KMO: variants seen among roughly 807,000 people sequenced by gnomAD.
The protein encoded by KMO is kynurenine 3-hydroxylase.
Under a neutral mutation model 57.8 loss-of-function variants are expected in KMO, and 24 were observed. The ratio of observed to expected loss-of-function variants is 0.42; its 90% CI spans 0.30 to 0.58. KMO has a LOEUF of 0.58. Among genes scored for constraint, KMO ranks in the 20% least tolerant of loss-of-function variants. The pLI, the probability that KMO is intolerant of heterozygous loss-of-function variation, is 0.22. For missense variants in KMO, 483 were observed against 588.2 expected (o/e 0.82, Z 1.85); for synonymous variants, 210 against 193.6 (o/e 1.08, Z -0.70).
intron 1 of KMO, among the ~76,000 whole-genome samples, chr1:241,542,748 T>C (rs1661003487): frequency 6.6e-6 from 1 of 152,226 alleles, no homozygotes; most frequent in Non-Finnish European, 1.5e-5. Flanking sequence ...AGCTGTGCCT[T>C]AACCAAGAGT....
chr1:241,563,207 C>T (rs1003581140), intron 7 of KMO, among the ~76,000 whole-genome samples: 1 of 151,954 alleles, frequency 6.6e-6, no homozygotes, highest in Admixed American at 6.6e-5. Flanking sequence ...TGACTGGAGG[C>T]AAATAAGTGG....
intron 11 of KMO, 152 bp downstream of exon 11, chr1:241,586,888 C>T (rs1157092304): frequency 3.4e-6 from 2 of 595,950 alleles, no homozygotes; most frequent in African/African-American, 1.9e-5. Context: ...TCTATGCCAC[C>T]GTTTTCCCAT....
rs1164964502 is a variant in KMO, at chr1:241,593,656, T to C, written c.*1503T>C. On this transcript the variant is annotated 3_prime_UTR_variant, in exon 15 of 15. Transcript: ENST00000366559. ...TTAGCGGGTATATGTAATATATATGTGGGAAATACAGGGGAATGAGCAAAT... is the reference window on the plus strand; with the variant it reads ...TTAGCGGGTATATGTAATATATATGCGGGAAATACAGGGGAATGAGCAAAT... 4 of 182,766 alleles carry C rather than the reference T, an allele frequency of 2.2e-5. No individual in the cohort carries two copies. The allele number at this position is 182,766 out of a possible 1,614,324, so 11.3% of individuals were successfully genotyped here.
intron 14 of KMO, among the ~76,000 whole-genome samples, 177 bp from the exon 15 acceptor site, chr1:241,591,776 A>G (rs1196643131): frequency 6.6e-6 from 1 of 152,202 alleles, no homozygotes; most frequent in Non-Finnish European, 1.5e-5. Flanking sequence ...GAGGCTCCCA[A>G]TCCTTGACTT....
chr1:241,549,288 AG>A (rs1177694060), intron 2 of KMO, among the ~76,000 whole-genome samples: 2 of 150,972 alleles, frequency 1.3e-5, no homozygotes, highest in African/African-American at 4.9e-5. Flanking sequence ...AAAGAAAGAA[AG>A]GAGAAAGAGC....
intron 6 of KMO, among the ~76,000 whole-genome samples, chr1:241,561,578 G>C (rs1204246110): frequency 6.6e-6 from 1 of 152,134 alleles, no homozygotes; most frequent in Non-Finnish European, 1.5e-5. Flanking sequence ...CCTGTTTTCT[G>C]CTCCCTTTGG....
intron 7 of KMO, among the ~76,000 whole-genome samples, chr1:241,562,896 AAG>A (rs551557272): frequency 0.39 from 35,983 of 92,568 alleles, 5,236 homozygotes; most frequent in South Asian, 0.45. Context: ...GGAAGGAAGG[AAG>A]GAAGGAAGGA....
At chr1:241,584,397 G>T (rs1231006650) in intron 10 of KMO, among the ~76,000 whole-genome samples, 1 of 152,222 alleles carries the variant, frequency 6.6e-6, no homozygotes, top group Admixed American at 6.5e-5. Context: ...TCACACTGTT[G>T]GTGGGAGTGT....
At chr1:241,565,271 G>C (rs1662031578) in intron 8 of KMO, among the ~76,000 whole-genome samples, 1 of 152,096 alleles carries the variant, frequency 6.6e-6, no homozygotes, top group Non-Finnish European at 1.5e-5. Context: ...TACATGAATG[G>C]ATAACAAGAG....
At chr1:241,549,563 A>T in intron 2 of KMO, 114 bp from the exon 3 acceptor site, 1 of 516,904 alleles carries the variant, frequency 1.9e-6, no homozygotes, top group South Asian at 3.9e-5. Flanking sequence ...AGAAGAGTTA[A>T]GAAGTTCTTT....
intron 1 of KMO, among the ~76,000 whole-genome samples, chr1:241,545,496 GTC>G (rs757085987): frequency 2.6e-5 from 4 of 152,130 alleles, no homozygotes; most frequent in Non-Finnish European, 5.9e-5. Flanking sequence ...GTAGATGGAA[GTC>G]TTCTCTCTGT....
intron 1 of KMO, among the ~76,000 whole-genome samples, chr1:241,541,824 G>A (rs1660968827): frequency 6.6e-6 from 1 of 152,094 alleles, no homozygotes; most frequent in South Asian, 2.1e-4. Context: ...TCAAAATCTT[G>A]AGACGTCAAA....
intron 10 of KMO, among the ~76,000 whole-genome samples, chr1:241,571,873 T>TC (rs1662293231): frequency 7.0e-6 from 1 of 142,486 alleles, no homozygotes; most frequent in East Asian, 2.0e-4. Flanking sequence ...CCTTTTTTTT[T>TC]TTTTTTTTTT....
intron 4 of KMO, among the ~76,000 whole-genome samples, chr1:241,554,738 A>G (rs904894591): frequency 1.3e-4 from 19 of 151,428 alleles, no homozygotes; most frequent in African/African-American, 4.6e-4. Context: ...TGGGTGGCCA[A>G]GGTCGGTGGA....
At chr1:241,568,748 T>A in intron 10 of KMO, 101 bp downstream of exon 10, 2 of 1,089,126 alleles carry the variant, frequency 1.8e-6, no homozygotes, top group Non-Finnish European at 2.6e-6. Flanking sequence ...CCCCACATAA[T>A]CCCTGAAAGC....
At chr1:241,585,551 A>G (rs1460784098) in intron 10 of KMO, among the ~76,000 whole-genome samples, 1 of 152,110 alleles carries the variant, frequency 6.6e-6, no homozygotes, top group Non-Finnish European at 1.5e-5. Context: ...TGAGGTCAAG[A>G]GTTTGAGACC....
rs756333090 is a variant in KMO at position 241,588,874 on chromosome 1, A to G, written c.1098+44A>G. The G allele has an allele frequency of 3.7e-6, 5 of 1,347,348 alleles. No individual in the cohort carries two copies. The African/African-American group carries it at 7.2e-5, about 19-fold the overall frequency. The allele number at this position is 1,347,348 out of a possible 1,614,324, so 83.5% of individuals were successfully genotyped here. On this transcript the variant is annotated intron_variant, in intron 12 of 14. Coordinates refer to ENST00000366559, the MANE Select transcript of KMO (RefSeq NM_003679.5). ...CTTTATTCCATGAGATGGTTCACTGATATTCTAACAAGTGTTCTTTTCTTT... is the reference window on the plus strand; with the variant it reads ...CTTTATTCCATGAGATGGTTCACTGGTATTCTAACAAGTGTTCTTTTCTTT...
chr1:241,558,010 CTA>C (rs1190285047), intron 5 of KMO, among the ~76,000 whole-genome samples: 2 of 152,174 alleles, frequency 1.3e-5, no homozygotes, highest in Non-Finnish European at 2.9e-5. Flanking sequence ...TTCAACAACT[CTA>C]TGAGGGGGAA....
At chr1:241,579,431 G>A (rs1351872247) in intron 10 of KMO, among the ~76,000 whole-genome samples, 1 of 152,050 alleles carries the variant, frequency 6.6e-6, no homozygotes, top group Non-Finnish European at 1.5e-5. Flanking sequence ...ATTCCCTGTG[G>A]GGGCCAGGAG....
Sources: gnomAD v4.1 joint callset for allele counts (sites outside exome capture counted in the v4.1 genomes callset) on GRCh38, gnomAD v4.1.1 for gene constraint, MANE v1.5 for transcripts, NCBI Gene and HGNC (gene_info 2026-07-23, HGNC 2026-07-21) for gene names.